ST18: variants seen among roughly 807,000 people sequenced by gnomAD.
ST18 encodes the protein ST18 C2H2C-type zinc finger transcription factor.
ST18 carries 50 observed loss-of-function variants against 110.0 expected under a neutral mutation model. That is an observed-to-expected ratio of 0.45 (90% CI 0.36 to 0.58). The LOEUF is 0.58. ST18 is among the 20% of genes least tolerant of loss of function. The pLI, the probability that ST18 is intolerant of heterozygous loss-of-function variation, is 0.00. For missense variants in ST18, 1,306 were observed against 1,280.1 expected (o/e 1.02, Z -0.31); for synonymous variants, 461 against 452.4 (o/e 1.02, Z -0.24).
chr8:52,202,744 G>C (rs1200717372), intron 8 of ST18, among the ~76,000 whole-genome samples: 2 of 152,234 alleles, frequency 1.3e-5, no homozygotes, highest in African/African-American at 4.8e-5. Flanking sequence ...GCCTAGAACA[G>C]AGTTGAGATG....
intron 3 of ST18, among the ~76,000 whole-genome samples, chr8:52,223,025 C>T (rs1279485344): frequency 1.3e-5 from 2 of 152,150 alleles, no homozygotes; most frequent in Non-Finnish European, 2.9e-5. Context: ...AGTAACCTAA[C>T]GGGCTACCCA....
chr8:52,149,660 A>G, intron 16 of ST18, 72 bp downstream of exon 16: 1 of 1,528,882 alleles, frequency 6.5e-7, no homozygotes, highest in East Asian at 2.3e-5. Flanking sequence ...AATATAATTT[A>G]GGAGGGAAAA....
intron 2 of ST18, among the ~76,000 whole-genome samples, chr8:52,392,239 G>A (rs1328725484): frequency 6.6e-6 from 1 of 152,132 alleles, no homozygotes. Context: ...GCAAGGAGTA[G>A]TTTTGACAAA....
chr8:52,149,405 T>A (rs2058215591), intron 16 of ST18, among the ~76,000 whole-genome samples: 1 of 152,232 alleles, frequency 6.6e-6, no homozygotes, highest in Non-Finnish European at 1.5e-5. Flanking sequence ...TAAGCTGGCA[T>A]TTCAATGTTG....
At chr8:52,173,789 A>G (rs1400695147) in intron 9 of ST18, among the ~76,000 whole-genome samples, 1 of 152,260 alleles carries the variant, frequency 6.6e-6, no homozygotes, top group Non-Finnish European at 1.5e-5. Flanking sequence ...CACCAAGAGC[A>G]GTGCATTCTG....
At chr8:52,113,489 C>G (rs1035758) in intron 25 of ST18, 151 bp from the exon 26 acceptor site, 6 of 782,520 alleles carry the variant, frequency 7.7e-6, no homozygotes, top group Admixed American at 2.4e-5. Context: ...TGGAGAGAGA[C>G]GGAGTGTGTG....
At chr8:52,205,233 C>T (rs1453946033) in intron 8 of ST18, among the ~76,000 whole-genome samples, 1 of 150,364 alleles carries the variant, frequency 6.7e-6, no homozygotes, top group African/African-American at 2.4e-5. Flanking sequence ...ACTGGAAAAA[C>T]ATAACTATTT....
rs1027552538 is a variant in ST18, at chr8:52,381,950, A to G, written c.-465+27378T>C. 2.1e-5 allele frequency among the ~76,000 whole-genome samples: 3 copies of G among 142,102 alleles called. No individual in the cohort carries two copies. The Admixed American group carries it at 2.3e-4, about 11-fold the overall frequency. 93.2% of individuals were successfully genotyped at this position (142,102 alleles called of 152,430 possible). On this transcript the variant is annotated intron_variant, in intron 2 of 25. Coordinates refer to ENST00000689386, the MANE Select transcript of ST18 (RefSeq NM_001352837.2). ...ATAATAACTTACTAAGTAAGCTTCA[A>G]GAGCTATATGCTGCATTAAAAAACA...
Position 52,181,922 on chromosome 8 carries a change from A to G in ST18, c.87-1610T>C, listed in dbSNP as rs564662476. Among the ~76,000 whole-genome samples, 26 of 152,280 alleles carry G rather than the reference A, an allele frequency of 1.7e-4. No homozygotes were observed. The East Asian group carries it at 4.8e-3, about 28-fold the overall frequency. ...GAAGAAACAGATCAAAGGGGCATAG[A>G]GTTCCTAGAGAAACTCTAGGAACCT... On this transcript the variant is annotated intron_variant, in intron 8 of 25. Coordinates refer to ENST00000689386, the MANE Select transcript of ST18 (RefSeq NM_001352837.2).
At chr8:52,275,874 G>A (rs1383657823) in intron 2 of ST18, among the ~76,000 whole-genome samples, 3 of 151,900 alleles carry the variant, frequency 2.0e-5, no homozygotes, top group Non-Finnish European at 4.4e-5. Flanking sequence ...GAGCCCATCA[G>A]TATAGCAAGC....
intron 2 of ST18, among the ~76,000 whole-genome samples, chr8:52,324,244 C>T (rs1350854305): frequency 6.6e-6 from 1 of 151,984 alleles, no homozygotes; most frequent in Non-Finnish European, 1.5e-5. Context: ...TTGTTACTGT[C>T]CTTAATTGCA....
chr8:52,297,377 A>T (rs575512219), intron 2 of ST18, among the ~76,000 whole-genome samples: 1 of 152,390 alleles, frequency 6.6e-6, no homozygotes, highest in East Asian at 1.9e-4. Flanking sequence ...TTGCTCAATA[A>T]GCGCAGAATA....
At chr8:52,276,145 G>GCCACA (rs2095244459) in intron 2 of ST18, among the ~76,000 whole-genome samples, 2 of 12,390 alleles carry the variant, frequency 1.6e-4, no homozygotes, top group Non-Finnish European at 1.8e-4. Context: ...CACACCACAT[G>GCCACA]CACACCACGC....
chr8:52,207,248 G>T (rs531551529), intron 8 of ST18, among the ~76,000 whole-genome samples: 2 of 152,306 alleles, frequency 1.3e-5, no homozygotes, highest in East Asian at 3.9e-4. Flanking sequence ...CACTTTGGGA[G>T]GCCAAGGCAA....
chr8:52,203,190 G>C (rs2078611879), intron 8 of ST18, among the ~76,000 whole-genome samples: 1 of 152,154 alleles, frequency 6.6e-6, no homozygotes, highest in African/African-American at 2.4e-5. Flanking sequence ...CATGGAGGGG[G>C]TAGGGGGAAC....
chr8:52,174,753 C>A (rs148008321), intron 9 of ST18, among the ~76,000 whole-genome samples: 2 of 152,306 alleles, frequency 1.3e-5, no homozygotes, highest in Non-Finnish European at 2.9e-5. Context: ...AAAAGAGGAG[C>A]CCCACTGACA....
intron 2 of ST18, among the ~76,000 whole-genome samples, chr8:52,327,917 A>G (rs779605715): frequency 4.6e-5 from 7 of 152,228 alleles, no homozygotes; most frequent in Non-Finnish European, 1.0e-4. Flanking sequence ...CTCAGCTATG[A>G]TCATTAATTC....
rs2040965305 is a variant in ST18, at chr8:52,112,995, G to T, written c.*203C>A. 2.4e-6 allele frequency: 1 copy of T among 416,282 alleles called. No homozygotes were observed. Among genetic ancestry groups the T allele is most frequent in the African/African-American group, 2.0e-5 (1 of 49,094 alleles). 25.8% of individuals were successfully genotyped at this position (416,282 alleles called of 1,614,324 possible). A position where few individuals can be genotyped will look rare whatever the true frequency, so the allele number is the denominator to read the frequency against. On this transcript the variant is annotated 3_prime_UTR_variant, in exon 26 of 26. Coordinates refer to ENST00000689386, the MANE Select transcript of ST18 (RefSeq NM_001352837.2). ...TGAAAATAAATAAGATCTAATAATT[G>T]ACTGCATTGCTTTTAATCCAAGAAG... is the stretch of plus-strand genomic sequence containing the variant.
chr8:52,368,542 G>A (rs890718599), intron 2 of ST18, among the ~76,000 whole-genome samples: 1 of 152,160 alleles, frequency 6.6e-6, no homozygotes, highest in African/African-American at 2.4e-5. Flanking sequence ...AGGACATCAT[G>A]TTTAAACATA....
Sources: allele counts gnomAD v4.1 joint callset (sites outside exome capture counted in the v4.1 genomes callset), GRCh38; gene constraint gnomAD v4.1.1; transcripts MANE v1.5; gene names NCBI Gene and HGNC (gene_info 2026-07-23, HGNC 2026-07-21).